ZFAT: variants seen among roughly 807,000 people sequenced by gnomAD.
ZFAT encodes the protein zinc finger and AT-hook domain containing.
A neutral mutation model predicts 117.7 loss-of-function variants in ZFAT; 64 were observed. The observed-to-expected ratio is 0.54, with a 90% confidence interval of 0.44 to 0.67. The LOEUF (loss-of-function observed/expected upper bound fraction) is 0.67. Among genes scored for constraint, ZFAT ranks in the 30% least tolerant of loss-of-function variants. The probability of loss-of-function intolerance (pLI) is 0.00; values close to 1 mark genes in which losing one functional copy is unlikely to be tolerated. For synonymous variants in ZFAT, 679 were observed against 615.0 expected (o/e 1.10, Z -1.54); for missense variants, 1,433 against 1,584.5 (o/e 0.90, Z 1.62).
At chr8:134,614,497 G>A (rs894992303) in intron 3 of ZFAT, among the ~76,000 whole-genome samples, 3 of 152,096 alleles carry the variant, frequency 2.0e-5, no homozygotes, top group African/African-American at 7.2e-5. Context: ...CACACACAGA[G>A]CACCGAACCA....
At chr8:134,778,848 G>A in the ZFAT span, among the ~76,000 whole-genome samples, 1,141 of 152,262 alleles carry the variant, frequency 7.5e-3, 9 homozygotes, top group African/African-American at 0.026. Context: ...GGAAGTAAAC[G>A]TGGTTTACAA....
chr8:134,508,609 C>T (rs1212456575), intron 15 of ZFAT, among the ~76,000 whole-genome samples: 2 of 152,204 alleles, frequency 1.3e-5, no homozygotes, highest in Non-Finnish European at 2.9e-5. Flanking sequence ...TCTCCCACTT[C>T]CCTTGCTTTA....
intron 15 of ZFAT, among the ~76,000 whole-genome samples, chr8:134,508,613 T>G (rs1819590734): frequency 6.6e-6 from 1 of 152,208 alleles, no homozygotes; most frequent in Non-Finnish European, 1.5e-5. Flanking sequence ...CCACTTCCCT[T>G]GCTTTACTTT....
At chr8:134,683,661 C>T (rs1362451033) in intron 1 of ZFAT, among the ~76,000 whole-genome samples, 1 of 152,068 alleles carries the variant, frequency 6.6e-6, no homozygotes, top group Non-Finnish European at 1.5e-5. Flanking sequence ...AGGGCAGGCA[C>T]ACTGAGAGCT....
chr8:134,762,116 G>GT, the ZFAT span, among the ~76,000 whole-genome samples: 1 of 152,070 alleles, frequency 6.6e-6, no homozygotes, highest in Admixed American at 6.6e-5. Flanking sequence ...ATTGGCCAAA[G>GT]TAAGTCATGA....
intron 11 of ZFAT, among the ~76,000 whole-genome samples, chr8:134,555,975 G>A (rs1326729751): frequency 7.2e-6 from 1 of 138,728 alleles, no homozygotes; most frequent in Non-Finnish European, 1.6e-5. Flanking sequence ...AAGGAGGGAG[G>A]GAGGGAAGGA....
the ZFAT span, among the ~76,000 whole-genome samples, chr8:134,760,308 C>T: frequency 6.7e-6 from 1 of 149,182 alleles, no homozygotes; most frequent in African/African-American, 2.5e-5. Flanking sequence ...AACAAACAAA[C>T]AAACATCTTC....
At chr8:134,831,655 C>T in the ZFAT span, among the ~76,000 whole-genome samples, 10 of 152,296 alleles carry the variant, frequency 6.6e-5, no homozygotes, top group South Asian at 1.9e-3. Flanking sequence ...CTTCCCGCGG[C>T]CCCCACGCCC....
chr8:134,503,261 CA>C (rs1819128797), intron 15 of ZFAT, among the ~76,000 whole-genome samples: 1 of 152,184 alleles, frequency 6.6e-6, no homozygotes, highest in Admixed American at 6.5e-5. Context: ...CAAGGATACA[CA>C]GGATAGAGCT....
At chr8:134,512,628 A>T in intron 13 of ZFAT, 27 bp from the exon 14 acceptor site, 1 of 1,604,732 alleles carries the variant, frequency 6.2e-7, no homozygotes, top group Non-Finnish European at 8.5e-7. Context: ...TACCTAAGTC[A>T]TCTCCTAAAA....
chr8:134,714,413 T>C (rs1814168537), upstream of ZFAT, among the ~76,000 whole-genome samples: 1 of 152,178 alleles, frequency 6.6e-6, no homozygotes, highest in Non-Finnish European at 1.5e-5. Context: ...CATCTTGTTT[T>C]CTCAGCGCCT....
chr8:134,723,109 T>C, the ZFAT span: 137,847 of 152,298 alleles, frequency 0.91, 62,677 homozygotes, highest in African/African-American at 0.97. Context: ...ACCCAGTCTG[T>C]GGTATTCGTT....
At chr8:134,523,293 G>A (rs75582926) in intron 12 of ZFAT, among the ~76,000 whole-genome samples, 1,881 of 152,226 alleles carry the variant, frequency 0.012, 17 homozygotes, top group Non-Finnish European at 0.021. Context: ...ACATTCTTCA[G>A]GCTCTTCCTC....
At chr8:134,690,506 A>C (rs1046610377) in intron 1 of ZFAT, among the ~76,000 whole-genome samples, 3 of 152,228 alleles carry the variant, frequency 2.0e-5, no homozygotes, top group Non-Finnish European at 4.4e-5. Flanking sequence ...GCTTTATGAA[A>C]GTCTGAGATT....
At chr8:134,550,335 G>C (rs911666556) in intron 11 of ZFAT, among the ~76,000 whole-genome samples, 11 of 64,774 alleles carry the variant, frequency 1.7e-4, no homozygotes, top group African/African-American at 6.1e-4. Context: ...AAAAAAAACA[G>C]CACAGGGTAA....
At chr8:134,730,787 T>C in the ZFAT span, among the ~76,000 whole-genome samples, 1 of 152,210 alleles carries the variant, frequency 6.6e-6, no homozygotes, top group African/African-American at 2.4e-5. Context: ...GCAGCCAGGA[T>C]GACGAAGGCA....
intron 5 of ZFAT, among the ~76,000 whole-genome samples, chr8:134,607,159 C>T (rs774207866): frequency 1.3e-5 from 2 of 152,060 alleles, no homozygotes; most frequent in African/African-American, 2.4e-5. Context: ...AACCTCCCCG[C>T]CAACAGACCT....
chr8:134,581,703 G>A (rs1209692657), intron 10 of ZFAT, among the ~76,000 whole-genome samples: 2 of 152,132 alleles, frequency 1.3e-5, no homozygotes, highest in African/African-American at 4.8e-5. Context: ...TCCCACCTCA[G>A]CCTACCAAGT....
At chr8:134,552,006 T>G (rs988889915) in intron 11 of ZFAT, among the ~76,000 whole-genome samples, 1 of 152,250 alleles carries the variant, frequency 6.6e-6, no homozygotes, top group Admixed American at 6.5e-5. Context: ...GGATAATATA[T>G]TAATCCAATT....
Sources: allele counts gnomAD v4.1 joint callset (sites outside exome capture counted in the v4.1 genomes callset), GRCh38; gene constraint gnomAD v4.1.1; transcripts MANE v1.5; gene names NCBI Gene and HGNC (gene_info 2026-07-23, HGNC 2026-07-21).